APBA1: variants seen among roughly 807,000 people sequenced by gnomAD.
APBA1 encodes the protein amyloid-beta A4 precursor protein-binding family A member 1.
Under a neutral mutation model 86.6 loss-of-function variants are expected in APBA1, and 55 were observed. The observed-to-expected ratio is 0.64, with a 90% confidence interval of 0.51 to 0.80. The LOEUF (loss-of-function observed/expected upper bound fraction) is 0.80. APBA1 is among the 30% of genes least tolerant of loss of function. The pLI, the probability that APBA1 is intolerant of heterozygous loss-of-function variation, is 0.00. For synonymous variants in APBA1, 511 were observed against 493.9 expected (o/e 1.03, Z -0.46); for missense variants, 1,090 against 1,183.0 (o/e 0.92, Z 1.15).
rs576975753 is a variant in APBA1, at chr9:69,588,980, G to T, written c.-69-71701C>A. On this transcript the variant is annotated intron_variant, in intron 1 of 12. Coordinates refer to ENST00000265381, the MANE Select transcript of APBA1 (RefSeq NM_001163.4). ...GCTTTTTTGTTTGTTTTCGAGACAG[G>T]GTCTGGCTCTGTTGCCTAGGTTGGA... 3.3e-5 allele frequency among the ~76,000 whole-genome samples: 5 copies of T among 152,164 alleles called. No individual in the cohort carries two copies. The South Asian group carries it at 1.0e-3, about 32-fold the overall frequency.
At chr9:69,587,747 C>G (rs768111442) in intron 1 of APBA1, among the ~76,000 whole-genome samples, 1 of 152,018 alleles carries the variant, frequency 6.6e-6, no homozygotes, top group African/African-American at 2.4e-5. Context: ...GATATTGGCC[C>G]GGCGTGGTGG....
At chr9:69,496,808 A>G (rs1394839847) in intron 2 of APBA1, among the ~76,000 whole-genome samples, 1 of 152,030 alleles carries the variant, frequency 6.6e-6, no homozygotes, top group African/African-American at 2.4e-5. Context: ...ATTCCTCACC[A>G]TTTAACTCTC....
chr9:69,578,966 C>G (rs1156976103), intron 1 of APBA1, among the ~76,000 whole-genome samples: 1 of 152,158 alleles, frequency 6.6e-6, no homozygotes, highest in East Asian at 1.9e-4. Context: ...AACTGCACTA[C>G]AGGAAGCCAT....
chr9:69,499,191 G>C (rs929131934), intron 2 of APBA1, among the ~76,000 whole-genome samples: 4 of 152,042 alleles, frequency 2.6e-5, no homozygotes, highest in Non-Finnish European at 4.4e-5. Context: ...AGGGAAAATC[G>C]GAGATAAGGA....
At chr9:69,607,426 G>T (rs1192127714) in intron 1 of APBA1, among the ~76,000 whole-genome samples, 1 of 152,000 alleles carries the variant, frequency 6.6e-6, no homozygotes, top group Non-Finnish European at 1.5e-5. Flanking sequence ...ATGACACATG[G>T]GAATTATGCG....
At chr9:69,434,730 C>T (rs1230834249) in intron 11 of APBA1, among the ~76,000 whole-genome samples, 3 of 151,218 alleles carry the variant, frequency 2.0e-5, no homozygotes, top group Non-Finnish European at 4.4e-5. Flanking sequence ...AAAAAAAGGC[C>T]ATGCTACATT....
chr9:69,452,861 CTG>C (rs1385989587), intron 8 of APBA1, among the ~76,000 whole-genome samples: 25 of 152,230 alleles, frequency 1.6e-4, no homozygotes, highest in African/African-American at 5.8e-4. Context: ...GCTGTGATAT[CTG>C]TGTTGCCGAT....
chr9:69,640,503 T>G (rs1265381500), intron 1 of APBA1, among the ~76,000 whole-genome samples: 1 of 151,938 alleles, frequency 6.6e-6, no homozygotes, highest in Non-Finnish European at 1.5e-5. Context: ...AGTCAACATT[T>G]TGACTCTGTA....
intron 2 of APBA1, among the ~76,000 whole-genome samples, chr9:69,511,184 G>C (rs1321874761): frequency 6.6e-6 from 1 of 151,856 alleles, no homozygotes; most frequent in Non-Finnish European, 1.5e-5. Context: ...CTGACAAAGG[G>C]CTAATATCCA....
chr9:69,603,537 T>C (rs1036807824), intron 1 of APBA1, among the ~76,000 whole-genome samples: 1 of 152,234 alleles, frequency 6.6e-6, no homozygotes, highest in South Asian at 2.1e-4. Context: ...CTAAGAGAGA[T>C]AGTACAAAAA....
At chr9:69,563,649 A>T (rs933565451) in intron 1 of APBA1, among the ~76,000 whole-genome samples, 8 of 147,722 alleles carry the variant, frequency 5.4e-5, no homozygotes, top group Non-Finnish European at 1.2e-4. Context: ...CTTGGTTTTA[A>T]TTTTTTTTTT....
chr9:69,523,979 A>G (rs1836304043), intron 1 of APBA1, among the ~76,000 whole-genome samples: 1 of 152,178 alleles, frequency 6.6e-6, no homozygotes, highest in Non-Finnish European at 1.5e-5. Flanking sequence ...TTGCTCCTAA[A>G]TGACTTTTGG....
chr9:69,566,478 G>A (rs1320372545), intron 1 of APBA1, among the ~76,000 whole-genome samples: 1 of 152,176 alleles, frequency 6.6e-6, no homozygotes, highest in African/African-American at 2.4e-5. Flanking sequence ...CTTGGTAAAT[G>A]CTGTTTGAAT....
chr9:69,654,149 T>C (rs1347383974), intron 1 of APBA1, among the ~76,000 whole-genome samples: 1 of 143,322 alleles, frequency 7.0e-6, no homozygotes, highest in East Asian at 2.0e-4. Context: ...AAGTTTATAG[T>C]AATAAATGTC....
chr9:69,656,869 C>T (rs1823622674), intron 1 of APBA1, among the ~76,000 whole-genome samples: 1 of 135,886 alleles, frequency 7.4e-6, no homozygotes, highest in Non-Finnish European at 1.5e-5. Flanking sequence ...GACGGAGTCT[C>T]GCTCTGTCGC....
intron 1 of APBA1, among the ~76,000 whole-genome samples, chr9:69,523,497 G>GTATATATATATATATATATATATATA (rs869242999): frequency 3.2e-5 from 1 of 30,882 alleles, no homozygotes; most frequent in Admixed American, 5.0e-4. Flanking sequence ...ATATATATAT[G>GTATATATATATATATATATATATATA]TATATATATA....
intron 1 of APBA1, among the ~76,000 whole-genome samples, chr9:69,631,194 T>C (rs1177515346): frequency 1.3e-5 from 2 of 152,054 alleles, no homozygotes; most frequent in Non-Finnish European, 2.9e-5. Context: ...ACAAAGAACT[T>C]AAACAAATTT....
chr9:69,502,271 C>T (rs570954042), intron 2 of APBA1, among the ~76,000 whole-genome samples: 28 of 152,042 alleles, frequency 1.8e-4, no homozygotes, highest in Non-Finnish European at 3.5e-4. Flanking sequence ...GGTCTGATGT[C>T]AGTGGGGGAG....
rs200712957 is a variant in APBA1 at position 69,486,504 on chromosome 9, G to A, written c.1201-10361C>T. Among the ~76,000 whole-genome samples, 63 of 152,228 alleles carry A rather than the reference G, an allele frequency of 4.1e-4. No homozygotes were observed. In the East Asian group the frequency reaches 8.5e-3, roughly 21 times the overall value. On this transcript the variant is annotated intron_variant, in intron 2 of 12. Coordinates refer to ENST00000265381, the MANE Select transcript of APBA1 (RefSeq NM_001163.4). ...AATGGGAGGAGGCAGATATGGAAAA[G>A]CAGGTCCCCAGCAGGTGGCCAGGAT...
Sources: gnomAD v4.1 joint callset for allele counts (sites outside exome capture counted in the v4.1 genomes callset) on GRCh38, gnomAD v4.1.1 for gene constraint, MANE v1.5 for transcripts, NCBI Gene and HGNC (gene_info 2026-07-23, HGNC 2026-07-21) for gene names.